Variants in SHROOM3 observed in about 807,000 individuals in gnomAD.
SHROOM3 encodes the protein shroom family member 3, also known as protein Shroom3.
A neutral mutation model predicts 138.6 loss-of-function variants in SHROOM3; 47 were observed. The observed-to-expected ratio is 0.34, with a 90% CI of 0.27 to 0.43. SHROOM3 has a LOEUF of 0.43. SHROOM3 is among the 20% of genes least tolerant of loss of function. The pLI is 1.00. For missense variants in SHROOM3, 2,491 were observed against 2,596.5 expected (o/e 0.96, Z 0.88); for synonymous variants, 1,062 against 1,063.3 (o/e 1.00, Z 0.02).
rs1380831046 is a variant in SHROOM3 at position 76,782,120 on chromosome 4, G to A, written c.*2943G>A. 1 of 152,216 alleles carries A rather than the reference G, an allele frequency of 6.6e-6. No homozygotes were observed. Among genetic ancestry groups the A allele is most frequent in the African/African-American group, 2.4e-5 (1 of 41,456 alleles). 9.4% of individuals were successfully genotyped at this position (152,216 alleles called of 1,614,324 possible). A position where few individuals can be genotyped will look rare whatever the true frequency, so the allele number is the denominator to read the frequency against. On this transcript the variant is annotated 3_prime_UTR_variant, in exon 11 of 11. Transcript: ENST00000296043. ...ATGTCACTACATGTTGGTTGACTCAGCCATTTCTCATGCTGTTTTGTTTCT... is the reference window on the plus strand; with the variant it reads ...ATGTCACTACATGTTGGTTGACTCAACCATTTCTCATGCTGTTTTGTTTCT...
chr4:76,610,037 A>G (rs1165620185), intron 2 of SHROOM3, among the ~76,000 whole-genome samples: 1 of 152,220 alleles, frequency 6.6e-6, no homozygotes, highest in Non-Finnish European at 1.5e-5. Context: ...ACTTTTCTGC[A>G]AGGAAAATGG....
At chr4:76,688,402 A>G (rs1392943084) in intron 2 of SHROOM3, 1 of 985,208 alleles carries the variant, frequency 1.0e-6, no homozygotes, top group Non-Finnish European at 1.2e-6. Context: ...TTGGTAAGGG[A>G]GGTTTCTATT....
intron 2 of SHROOM3, among the ~76,000 whole-genome samples, chr4:76,556,307 C>T (rs1428034690): frequency 6.6e-6 from 1 of 152,118 alleles, no homozygotes; most frequent in Non-Finnish European, 1.5e-5. Context: ...CTCCCGGGAA[C>T]CAACCCTTCG....
At chr4:76,671,839 AT>A (rs1577964991) in intron 2 of SHROOM3, among the ~76,000 whole-genome samples, 1 of 152,064 alleles carries the variant, frequency 6.6e-6, no homozygotes, top group Non-Finnish European at 1.5e-5. Context: ...ATTTTTAAAA[AT>A]TTTTTTTGGA....
intron 1 of SHROOM3, among the ~76,000 whole-genome samples, chr4:76,480,172 G>A (rs915816788): frequency 1.6e-4 from 24 of 151,664 alleles, no homozygotes; most frequent in African/African-American, 5.3e-4. Context: ...TTAATAGACC[G>A]ATTAAAAGAC....
chr4:76,446,325 TAAA>T (rs3041169), intron 1 of SHROOM3, among the ~76,000 whole-genome samples: 444 of 143,190 alleles, frequency 3.1e-3, no homozygotes, highest in Middle Eastern at 7.0e-3. Flanking sequence ...GATAAACTGG[TAAA>T]AAAAAAAAAA....
At chr4:76,533,568 T>C (rs1180732362) in intron 1 of SHROOM3, among the ~76,000 whole-genome samples, 2 of 152,180 alleles carry the variant, frequency 1.3e-5, no homozygotes, top group Non-Finnish European at 2.9e-5. Flanking sequence ...TCTCTGGGCT[T>C]ATTAGACATG....
intron 1 of SHROOM3, among the ~76,000 whole-genome samples, chr4:76,465,538 C>T (rs767491593): frequency 1.5e-4 from 23 of 152,214 alleles, no homozygotes; most frequent in Admixed American, 3.3e-4. Context: ...GCTCCTTTTC[C>T]TCAGTCCTCC....
intron 1 of SHROOM3, among the ~76,000 whole-genome samples, chr4:76,526,416 C>T (rs570757103): frequency 1.9e-4 from 29 of 152,024 alleles, no homozygotes; most frequent in Non-Finnish European, 3.5e-4. Flanking sequence ...GTACTTGTTC[C>T]CCTGTGCGCC....
chr4:76,460,975 G>A (rs926071855), intron 1 of SHROOM3, among the ~76,000 whole-genome samples: 2 of 151,166 alleles, frequency 1.3e-5, no homozygotes, highest in African/African-American at 4.9e-5. Context: ...CAGCCTGGGT[G>A]TTGGAGTGAG....
intron 2 of SHROOM3, among the ~76,000 whole-genome samples, chr4:76,635,451 C>G (rs1201434526): frequency 6.6e-6 from 1 of 152,214 alleles, no homozygotes; most frequent in African/African-American, 2.4e-5. Flanking sequence ...CTAATTCCAA[C>G]TCGTTTCCCC....
intron 2 of SHROOM3, among the ~76,000 whole-genome samples, chr4:76,676,239 C>A (rs576022301): frequency 1.3e-5 from 2 of 152,000 alleles, no homozygotes; most frequent in East Asian, 3.9e-4. Flanking sequence ...ATGGGACTTA[C>A]AAAAACAAAG....
intron 2 of SHROOM3, among the ~76,000 whole-genome samples, chr4:76,642,162 A>T (rs1313081709): frequency 6.6e-6 from 1 of 152,204 alleles, no homozygotes; most frequent in Non-Finnish European, 1.5e-5. Context: ...ACTTTGTTAC[A>T]AAGTAACAAA....
rs374710074 is a variant in SHROOM3 at position 76,738,995 on chromosome 4, C to A, written c.822C>A (p.His274Gln). ...GTTCTAGCATCCTAGAGTATCCACA[C>A]CCTGGCATCTCTGGCCGGGAGCGTT... ...STSSSILEYP[H>Q]PGISGRERSG... Residue 274 changes from histidine to glutamine, a missense_variant, in exon 5 of 11, where the codon CAC (histidine) becomes CAA (glutamine). Coordinates refer to ENST00000296043, the MANE Select transcript of SHROOM3 (RefSeq NM_020859.4). 89 of 1,614,088 alleles carry A rather than the reference C, an allele frequency of 5.5e-5. No individual in the cohort carries two copies. The highest frequency in any genetic ancestry group is 1.6e-4 in the Middle Eastern group (1 of 6,084).
intron 2 of SHROOM3, among the ~76,000 whole-genome samples, chr4:76,596,581 AACACACACAC>A (rs58214296): frequency 5.0e-4 from 69 of 138,226 alleles, no homozygotes; most frequent in African/African-American, 1.2e-3. Flanking sequence ...GGTACAGAGA[AACACACACAC>A]ACACACACAC....
chr4:76,449,376 A>G (rs1730877268), intron 1 of SHROOM3, among the ~76,000 whole-genome samples: 2 of 152,324 alleles, frequency 1.3e-5, no homozygotes, highest in African/African-American at 4.8e-5. Flanking sequence ...ATATTTGACA[A>G]TATAATGTGG....
At position 76,739,529 on chromosome 4, in the gene SHROOM3, T is replaced by C. The variant is rs147426728; in HGVS notation, c.1356T>C (p.Tyr452=). ...CCCCAGTGAAGCCCAAGCATAACTA[T>C]ACCCAGAAGGCCCAACCTGGCCAAC... ...NSPPVKPKHN[Y]TQKAQPGQPL... is the part of the protein sequence containing the mutation. The change falls in exon 5 of 11, where the codon TAT becomes TAC. Residue 452 remains tyrosine (Y), a synonymous_variant. Coordinates refer to ENST00000296043, the MANE Select transcript of SHROOM3 (RefSeq NM_020859.4). 114 of 1,614,012 alleles carry C rather than the reference T, an allele frequency of 7.1e-5. No individual in the cohort carries two copies. Among genetic ancestry groups the C allele is most frequent in the Non-Finnish European group, 8.8e-5 (104 of 1,179,994 alleles).
At chr4:76,479,154 G>A (rs902900939) in intron 1 of SHROOM3, among the ~76,000 whole-genome samples, 3 of 151,876 alleles carry the variant, frequency 2.0e-5, no homozygotes, top group African/African-American at 7.3e-5. Context: ...CAGAAGTAGG[G>A]TACAGAAGGT....
intron 10 of SHROOM3, among the ~76,000 whole-genome samples, chr4:76,775,968 C>T (rs1722550864): frequency 6.6e-6 from 1 of 151,774 alleles, no homozygotes; most frequent in Non-Finnish European, 1.5e-5. Flanking sequence ...CATATAATTA[C>T]TTCTTTTCTC....
Sources: gnomAD v4.1 joint callset for allele counts (sites outside exome capture counted in the v4.1 genomes callset) on GRCh38, gnomAD v4.1.1 for gene constraint, MANE v1.5 for transcripts, NCBI Gene and HGNC (gene_info 2026-07-23, HGNC 2026-07-21) for gene names.